HERC4: variants seen among roughly 807,000 people sequenced by gnomAD.
The protein encoded by HERC4 is probable E3 ubiquitin-protein ligase HERC4.
Under a neutral mutation model 124.3 loss-of-function variants are expected in HERC4, and 28 were observed. The observed-to-expected ratio is 0.23, with a 90% CI of 0.17 to 0.31. HERC4 has a LOEUF of 0.31. Ranked by LOEUF, HERC4 falls within the 10% of genes least tolerant of loss-of-function variation. The pLI, the probability that HERC4 is intolerant of heterozygous loss-of-function variation, is 1.00. For synonymous variants in HERC4, 407 were observed against 421.5 expected, an observed-to-expected ratio of 0.97 and a Z score of 0.42; for missense variants, 713 against 1,229.3, an observed-to-expected ratio of 0.58 and a Z score of 6.28.
chr10:67,939,332 C>G (rs1329624330), intron 21 of HERC4, among the ~76,000 whole-genome samples: 2 of 152,176 alleles, frequency 1.3e-5, no homozygotes, highest in African/African-American at 4.8e-5. Context: ...GGTATGCATA[C>G]TGACTCCCCA....
intron 9 of HERC4, among the ~76,000 whole-genome samples, chr10:67,997,915 GT>G (rs199974939): frequency 1.3e-5 from 2 of 151,990 alleles, no homozygotes; most frequent in African/African-American, 4.8e-5. Flanking sequence ...TTGTTCATTT[GT>G]TTTTGAGACA....
chr10:68,070,768 T>G (rs1380123954), intron 3 of HERC4, among the ~76,000 whole-genome samples: 1 of 151,976 alleles, frequency 6.6e-6, no homozygotes, highest in East Asian at 1.9e-4. Context: ...CCAGAACTTC[T>G]GATAATAAAA....
intron 16 of HERC4, among the ~76,000 whole-genome samples, chr10:67,962,833 C>T (rs115033260): frequency 0.017 from 2,519 of 152,220 alleles, 76 homozygotes; most frequent in African/African-American, 0.057. Context: ...TTATTAGACA[C>T]GTCAGAATAA....
chr10:67,962,273 T>C (rs947634214), intron 16 of HERC4, among the ~76,000 whole-genome samples: 2 of 151,790 alleles, frequency 1.3e-5, no homozygotes, highest in African/African-American at 2.4e-5. Flanking sequence ...TTGATAACTA[T>C]ACTATATACC....
At chr10:67,959,033 G>C (rs1167295277) in intron 16 of HERC4, 25 of 1,207,338 alleles carry the variant, frequency 2.1e-5, no homozygotes, top group Non-Finnish European at 2.8e-5. Context: ...CCAAAAAAAC[G>C]AATCTTTGGC....
intron 15 of HERC4, among the ~76,000 whole-genome samples, chr10:67,980,657 T>C (rs751783124): frequency 3.3e-5 from 5 of 152,186 alleles, no homozygotes; most frequent in Admixed American, 6.5e-5. Flanking sequence ...GTAGAGAGAC[T>C]ATAAACAATT....
rs1191318354 is a variant in HERC4 at position 68,014,029 on chromosome 10, T to C, written c.1066A>G (p.Ile356Val). Residue 356 changes from isoleucine (I) to valine (V), a missense_variant, in exon 9 of 25, where the codon ATT becomes GTT. Transcript: ENST00000373700. ...GCTTTAATATGACAGAACTTACCAA[T>C]ATCTGGTAGACACTGCCCATTATAG... ...YPYNGQCLPD[I>V]DSEEYFCVKR... is the part of the protein sequence containing the mutation. 3.1e-6 allele frequency: 5 copies of C among 1,591,166 alleles called. No individual in the cohort carries two copies. The Admixed American group carries it at 5.6e-5, about 18-fold the overall frequency.
intron 8 of HERC4, among the ~76,000 whole-genome samples, chr10:68,019,423 G>C (rs1308407546): frequency 1.3e-5 from 2 of 152,096 alleles, no homozygotes; most frequent in Admixed American, 1.3e-4. Flanking sequence ...AAAAATTAGA[G>C]ATCACAGAAA....
chr10:68,033,848 TC>T, intron 6 of HERC4, 116 bp downstream of exon 6: 1 of 768,074 alleles, frequency 1.3e-6, no homozygotes, highest in Non-Finnish European at 2.1e-6. Context: ...TAACATCTCA[TC>T]CCCACCTCTA....
chr10:68,036,678 C>G (rs192414771), intron 5 of HERC4, among the ~76,000 whole-genome samples: 1 of 152,292 alleles, frequency 6.6e-6, no homozygotes, highest in East Asian at 1.9e-4. Flanking sequence ...ACACCACTTT[C>G]TTAACTCTAT....
At chr10:68,012,556 A>T (rs1018946265) in intron 9 of HERC4, among the ~76,000 whole-genome samples, 6 of 152,208 alleles carry the variant, frequency 3.9e-5, no homozygotes, top group Non-Finnish European at 7.3e-5. Context: ...TCAGAACATA[A>T]ACATTTATCA....
chr10:68,000,691 G>A (rs1054496458), intron 9 of HERC4, among the ~76,000 whole-genome samples: 1 of 152,180 alleles, frequency 6.6e-6, no homozygotes, highest in African/African-American at 2.4e-5. Context: ...ATGGAGTAGG[G>A]TAGGTCCATA....
At chr10:68,037,842 G>A (rs2039557183) in intron 5 of HERC4, among the ~76,000 whole-genome samples, 1 of 152,102 alleles carries the variant, frequency 6.6e-6, no homozygotes, top group Non-Finnish European at 1.5e-5. Flanking sequence ...GTTCAATACT[G>A]TAAAGATTTT....
At chr10:67,932,862 G>T in intron 22 of HERC4, 82 bp from the exon 23 acceptor site, 13 of 1,233,798 alleles carry the variant, frequency 1.1e-5, no homozygotes, top group Non-Finnish European at 1.5e-5. Context: ...AACTTCAAGT[G>T]CTCCTACAAT....
At chr10:68,026,989 ACT>A (rs2038936797) in intron 7 of HERC4, among the ~76,000 whole-genome samples, 1 of 152,202 alleles carries the variant, frequency 6.6e-6, no homozygotes, top group African/African-American at 2.4e-5. Flanking sequence ...ACAAAGCGAG[ACT>A]CTGTCACAAA....
intron 15 of HERC4, among the ~76,000 whole-genome samples, chr10:67,984,907 C>G (rs1250703856): frequency 3.3e-5 from 5 of 151,820 alleles, no homozygotes; most frequent in African/African-American, 7.3e-5. Context: ...TATTTCATAG[C>G]ACATCTCATG....
intron 15 of HERC4, among the ~76,000 whole-genome samples, chr10:67,982,675 A>G (rs2036002300): frequency 6.6e-6 from 1 of 152,222 alleles, no homozygotes; most frequent in African/African-American, 2.4e-5. Context: ...GTCAACAAAC[A>G]GAATGGGAGG....
chr10:67,952,969 C>T (rs2033903522), intron 19 of HERC4, among the ~76,000 whole-genome samples: 1 of 151,836 alleles, frequency 6.6e-6, no homozygotes, highest in Non-Finnish European at 1.5e-5. Flanking sequence ...GTACCCTTCA[C>T]TCAGTTTTCT....
intron 16 of HERC4, among the ~76,000 whole-genome samples, chr10:67,958,654 A>G (rs559664500): frequency 6.6e-6 from 1 of 152,336 alleles, no homozygotes; most frequent in African/African-American, 2.4e-5. Context: ...TAGAAGTGAG[A>G]AAGATAATCA....
Sources: allele counts gnomAD v4.1 joint callset (sites outside exome capture counted in the v4.1 genomes callset), GRCh38; gene constraint gnomAD v4.1.1; transcripts MANE v1.5; gene names NCBI Gene and HGNC (gene_info 2026-07-23, HGNC 2026-07-21).